The following BRAF variants were observed in gnomAD, a reference collection of about 807,000 sequenced individuals.
The protein encoded by BRAF is B-Raf proto-oncogene, serine/threonine kinase, also known as serine/threonine-protein kinase B-raf.
Under a neutral mutation model 104.6 loss-of-function variants are expected in BRAF, and 16 were observed. That is an observed-to-expected ratio of 0.15 (90% confidence interval 0.10 to 0.23). BRAF has a LOEUF of 0.23. Ranked by LOEUF, BRAF falls within the 10% of genes least tolerant of loss-of-function variation. BRAF has a pLI of 1.00. For missense variants in BRAF, 541 were observed against 937.3 expected, an observed-to-expected ratio of 0.58 and a Z score of 5.52; for synonymous variants, 310 against 341.6, an observed-to-expected ratio of 0.91 and a Z score of 1.02.
intron 9 of BRAF, among the ~76,000 whole-genome samples, chr7:140,786,003 A>G (rs572115027): frequency 6.6e-6 from 1 of 152,328 alleles, no homozygotes; most frequent in East Asian, 1.9e-4. Flanking sequence ...AAGAAATGCC[A>G]CTTGCTTTTA....
chr7:140,845,085 T>A (rs1341202223), intron 2 of BRAF, among the ~76,000 whole-genome samples: 1 of 152,174 alleles, frequency 6.6e-6, no homozygotes, highest in African/African-American at 2.4e-5. Flanking sequence ...ACCAATGGAA[T>A]AGAAAGCCCA....
intron 1 of BRAF, among the ~76,000 whole-genome samples, chr7:140,883,467 A>G (rs1156905306): frequency 2.0e-5 from 3 of 152,238 alleles, no homozygotes; most frequent in East Asian, 1.9e-4. Flanking sequence ...ATATTATTCA[A>G]ACATTTAGTA....
chr7:140,784,636 T>G (rs1449114317), intron 10 of BRAF, among the ~76,000 whole-genome samples: 1 of 151,938 alleles, frequency 6.6e-6, no homozygotes, highest in Admixed American at 6.6e-5. Flanking sequence ...GAAAGACATC[T>G]GTCCCAATTT....
chr7:140,906,225 A>G (rs1352076953), intron 1 of BRAF, among the ~76,000 whole-genome samples: 2 of 149,180 alleles, frequency 1.3e-5, no homozygotes, highest in East Asian at 2.1e-4. Context: ...TTTTTGAGAC[A>G]GGGTCTCAGT....
chr7:140,878,715 T>C (rs1460689780), intron 1 of BRAF, among the ~76,000 whole-genome samples: 1 of 152,208 alleles, frequency 6.6e-6, no homozygotes, highest in African/African-American at 2.4e-5. Flanking sequence ...CAATTTATCA[T>C]ATATTTCAAA....
At chr7:140,757,761 AG>A (rs1206135498) in intron 14 of BRAF, among the ~76,000 whole-genome samples, 1 of 152,242 alleles carries the variant, frequency 6.6e-6, no homozygotes, top group African/African-American at 2.4e-5. Flanking sequence ...AGATTTTTAA[AG>A]ATCGGCATGC....
At chr7:140,872,215 C>CA (rs1201097998) in intron 1 of BRAF, among the ~76,000 whole-genome samples, 3 of 99,284 alleles carry the variant, frequency 3.0e-5, no homozygotes, top group East Asian at 5.0e-4. Flanking sequence ...AACTCCATCT[C>CA]AAAATAAATA....
At chr7:140,787,425 T>C in intron 9 of BRAF, 123 bp downstream of exon 9, 8 of 933,546 alleles carry the variant, frequency 8.6e-6, no homozygotes, top group Admixed American at 6.6e-5. Context: ...CAAAAAAATT[T>C]TGGGTTTCTC....
chr7:140,832,482 G>A (rs1373994113), intron 3 of BRAF, among the ~76,000 whole-genome samples: 2 of 152,174 alleles, frequency 1.3e-5, no homozygotes, highest in Non-Finnish European at 2.9e-5. Context: ...AAGAAAAGGA[G>A]AGGAAAAGAG....
rs1795485589 is a variant in BRAF at position 140,724,403 on chromosome 7, CAA to C, written c.*2089_*2090del. On this transcript the variant is annotated 3_prime_UTR_variant, in exon 20 of 20. Coordinates refer to ENST00000644969, the MANE Select transcript of BRAF (RefSeq NM_001374258.1). ...AAAAGAAAAAACAGCCAATGCTTTT[CAA>C]GAGAGGCAGTATTATTGCACAGAAG... 1 of 1,055,904 alleles carries C rather than the reference CAA, an allele frequency of 9.5e-7. No homozygotes were observed. The highest frequency in any genetic ancestry group is 4.6e-5 in the South Asian group (1 of 21,902). 65.4% of individuals were successfully genotyped at this position (1,055,904 alleles called of 1,614,324 possible). A position where few individuals can be genotyped will look rare whatever the true frequency, so the allele number is the denominator to read the frequency against.
intron 1 of BRAF, among the ~76,000 whole-genome samples, chr7:140,878,613 TA>T (rs1812525815): frequency 6.6e-6 from 1 of 152,066 alleles, no homozygotes; most frequent in Non-Finnish European, 1.5e-5. Flanking sequence ...GAGAAAGGGA[TA>T]AAGGGAAGTT....
chr7:140,805,757 A>G (rs542311040), intron 5 of BRAF, among the ~76,000 whole-genome samples: 1 of 152,214 alleles, frequency 6.6e-6, no homozygotes, highest in East Asian at 1.9e-4. Context: ...CTTGGGATAT[A>G]GAGAAATACT....
intron 1 of BRAF, among the ~76,000 whole-genome samples, chr7:140,910,203 A>C (rs1379864879): frequency 1.3e-5 from 2 of 152,206 alleles, no homozygotes; most frequent in African/African-American, 4.8e-5. Flanking sequence ...CAATTTGCTC[A>C]ACTATAATCA....
Position 140,719,927 on chromosome 7 carries a change from A to C in BRAF, c.*6567T>G. ...AGGAATGTGTGTGTGAGTCGCCATA[A>C]GGTTTGGAGTGGTGAAACAGGAACC... On this transcript the variant is annotated 3_prime_UTR_variant, in exon 20 of 20. Coordinates refer to ENST00000644969, the MANE Select transcript of BRAF (RefSeq NM_001374258.1). 1 of 1,062,616 alleles carries C rather than the reference A, an allele frequency of 9.4e-7. No individual in the cohort carries two copies. Among genetic ancestry groups the C allele is most frequent in the Non-Finnish European group, 1.1e-6 (1 of 877,600 alleles). 65.8% of individuals were successfully genotyped at this position (1,062,616 alleles called of 1,614,324 possible).
intron 1 of BRAF, among the ~76,000 whole-genome samples, chr7:140,863,416 A>C (rs1810617660): frequency 6.6e-6 from 1 of 152,204 alleles, no homozygotes; most frequent in Non-Finnish European, 1.5e-5. Context: ...CCAGGTTATG[A>C]AGGATCCTGA....
Position 140,739,910 on chromosome 7 carries a change from C to T in BRAF, c.2149G>A (p.Asp717Asn), listed in dbSNP as rs886041260. ...CAGTTACTCCGTACCTTACTGAGAT[C>T]TGGAGACAGGTATCCTCGTCCCACC... Reference protein sequence around the residue: ...FMVGRGYLSPDLSKVRSNCPK... With the variant: ...FMVGRGYLSPNLSKVRSNCPK... Residue 717 changes from aspartate (D) to asparagine (N), a missense_variant, in exon 18 of 20, where the codon GAT becomes AAT. Physicochemically the swap from Asp to Asn is conservative, Grantham distance 23. This residue lies in a region of BRAF where 129 missense variants were observed against 285.8 expected (regional missense o/e 0.45). Transcript: ENST00000644969. The T allele has an allele frequency of 1.2e-6, 2 of 1,613,632 alleles. No homozygotes were observed. Among genetic ancestry groups the T allele is most frequent in the Non-Finnish European group, 1.7e-6 (2 of 1,179,914 alleles).
chr7:140,747,444 G>C, intron 17 of BRAF: 1 of 1,288,204 alleles, frequency 7.8e-7, no homozygotes, highest in Non-Finnish European at 1.0e-6. Flanking sequence ...GGAGGACAAA[G>C]CACCTAAAAT....
At chr7:140,908,374 T>C (rs898812842) in intron 1 of BRAF, among the ~76,000 whole-genome samples, 1 of 152,208 alleles carries the variant, frequency 6.6e-6, no homozygotes, top group African/African-American at 2.4e-5. Flanking sequence ...GTTTGATTAC[T>C]TGTGACAATG....
chr7:140,906,001 T>C (rs921107011), intron 1 of BRAF, among the ~76,000 whole-genome samples: 5 of 131,116 alleles, frequency 3.8e-5, no homozygotes, highest in South Asian at 2.5e-4. Context: ...GGCAGGAGAA[T>C]GGCGTGAACC....
Sources: gnomAD v4.1 joint callset for allele counts (sites outside exome capture counted in the v4.1 genomes callset) on GRCh38, gnomAD v4.1.1 for gene constraint, gnomAD v4.1.1 regional missense constraint, MANE v1.5 for transcripts, NCBI Gene and HGNC (gene_info 2026-07-23, HGNC 2026-07-21) for gene names.